Variants in COL19A1 observed in about 807,000 individuals in gnomAD.
COL19A1 encodes collagen type XIX alpha 1 chain, also known as collagen alpha-1(XIX) chain.
COL19A1 carries 159 observed loss-of-function variants against 190.2 expected under a neutral mutation model. That is an observed-to-expected ratio of 0.84 (90% confidence interval 0.73 to 0.95). The LOEUF (loss-of-function observed/expected upper bound fraction) is 0.95. Ranked by LOEUF, COL19A1 falls within the 40% of genes least tolerant of loss-of-function variation. COL19A1 has a pLI of 0.00. For missense variants in COL19A1, 1,418 were observed against 1,431.9 expected, an observed-to-expected ratio of 0.99 and a Z score of 0.16; for synonymous variants, 509 against 458.9, an observed-to-expected ratio of 1.11 and a Z score of -1.39.
intron 10 of COL19A1, among the ~76,000 whole-genome samples, chr6:69,961,287 G>C (rs1295234771): frequency 1.3e-5 from 2 of 152,090 alleles, no homozygotes; most frequent in Admixed American, 1.3e-4. Context: ...TTATTTACTT[G>C]GCCCAATAAA....
At chr6:70,076,062 C>T (rs1439484495) in intron 15 of COL19A1, among the ~76,000 whole-genome samples, 3 of 152,152 alleles carry the variant, frequency 2.0e-5, no homozygotes, top group Admixed American at 6.5e-5. Flanking sequence ...CTAATGGGGA[C>T]TCCTTCAAAC....
chr6:70,124,581 A>C (rs1785082314), intron 17 of COL19A1, among the ~76,000 whole-genome samples: 2 of 151,822 alleles, frequency 1.3e-5, no homozygotes, highest in Non-Finnish European at 2.9e-5. Flanking sequence ...ATGGGCACTG[A>C]CCAGAGCAGC....
At chr6:69,940,354 C>A (rs931810074) in intron 9 of COL19A1, among the ~76,000 whole-genome samples, 2 of 152,102 alleles carry the variant, frequency 1.3e-5, no homozygotes, top group East Asian at 1.9e-4. Flanking sequence ...GACTTTGGAG[C>A]CTTAGCAGTA....
rs1187126045 is a variant in COL19A1, at chr6:70,024,612, TGTGGGTGTGTGG to T, written c.1080+936_1080+947del. Among the ~76,000 whole-genome samples the T allele has an allele frequency of 6.3e-3, 831 of 131,844 alleles. 5 individuals are homozygous for T. Among genetic ancestry groups the T allele is most frequent in the Non-Finnish European group, 0.01 (609 of 59,234 alleles). The allele number at this position is 131,844 out of a possible 152,430, so 86.5% of individuals were successfully genotyped here. A position where few individuals can be genotyped will look rare whatever the true frequency, so the allele number is the denominator to read the frequency against. On this transcript the variant is annotated intron_variant, in intron 12 of 50. Transcript: ENST00000620364. ...GTGTGTGTGTGTGTGTGTGTGTGTG[TGTGGGTGTGTGG>T]GTGTGTGTGTGTGGAGTCTCCCAAA...
intron 31 of COL19A1, among the ~76,000 whole-genome samples, 178 bp from the exon 32 acceptor site, chr6:70,155,949 T>C (rs186615418): frequency 1.6e-3 from 238 of 152,230 alleles, no homozygotes; most frequent in African/African-American, 5.5e-3. Flanking sequence ...TTGTAAACAG[T>C]TTTTGCCTCA....
At chr6:70,124,513 TA>T (rs1322875657) in intron 17 of COL19A1, among the ~76,000 whole-genome samples, 3 of 149,668 alleles carry the variant, frequency 2.0e-5, no homozygotes, top group Non-Finnish European at 4.4e-5. Flanking sequence ...TTTTAGAGTC[TA>T]AAGTTGAGAA....
chr6:70,182,697 C>T (rs1172313760), intron 44 of COL19A1, among the ~76,000 whole-genome samples: 2 of 152,138 alleles, frequency 1.3e-5, no homozygotes, highest in African/African-American at 4.8e-5. Context: ...GATCAACATA[C>T]AGGTAAGTAA....
chr6:70,169,653 C>T (rs542620380), intron 40 of COL19A1, among the ~76,000 whole-genome samples: 8 of 152,140 alleles, frequency 5.3e-5, no homozygotes, highest in Non-Finnish European at 1.0e-4. Context: ...AGCATTGTTT[C>T]AACTAGTTAG....
chr6:70,051,248 C>T (rs1231204485), intron 14 of COL19A1, among the ~76,000 whole-genome samples: 1 of 151,838 alleles, frequency 6.6e-6, no homozygotes, highest in African/African-American at 2.4e-5. Flanking sequence ...GACACATGCC[C>T]AATATAGAGA....
At chr6:69,914,981 G>T (rs866784629) in intron 4 of COL19A1, among the ~76,000 whole-genome samples, 63 of 152,054 alleles carry the variant, frequency 4.1e-4, no homozygotes, top group African/African-American at 1.5e-3. Context: ...TTAAGCAAAA[G>T]ATCAAACAGG....
chr6:69,903,825 G>T (rs1398591630), intron 4 of COL19A1, among the ~76,000 whole-genome samples: 1 of 152,172 alleles, frequency 6.6e-6, no homozygotes, highest in Non-Finnish European at 1.5e-5. Context: ...AGCCTGCTTG[G>T]CTACCAGGAA....
chr6:69,981,904 G>A (rs1025978182), intron 11 of COL19A1, among the ~76,000 whole-genome samples: 3 of 152,030 alleles, frequency 2.0e-5, no homozygotes, highest in African/African-American at 7.2e-5. Context: ...TATATTTTAG[G>A]TAATTTTTTA....
At chr6:70,191,164 T>G (rs778476600) in intron 48 of COL19A1, among the ~76,000 whole-genome samples, 23 of 152,330 alleles carry the variant, frequency 1.5e-4, no homozygotes, top group Non-Finnish European at 5.9e-5. Flanking sequence ...ACTTCAATAA[T>G]TCATCCTAAG....
rs756125918 is a variant in COL19A1 at position 70,207,797 on chromosome 6, T to C, written c.*523T>C. 1.3e-5 allele frequency: 2 copies of C among 152,174 alleles called. No individual in the cohort carries two copies. Among genetic ancestry groups the C allele is most frequent in the South Asian group, 2.1e-4 (1 of 4,830 alleles). The allele number at this position is 152,174 out of a possible 1,614,324, so 9.4% of individuals were successfully genotyped here. A position where few individuals can be genotyped will look rare whatever the true frequency, so the allele number is the denominator to read the frequency against. Reference sequence around the variant, plus strand: ...TTATAACTTAAGAATTTTTATACCATCTACATCTATCCTACTTATGCAGAA... The same window carrying C: ...TTATAACTTAAGAATTTTTATACCACCTACATCTATCCTACTTATGCAGAA... On this transcript the variant is annotated 3_prime_UTR_variant, in exon 51 of 51. Transcript: ENST00000620364.
At chr6:70,081,287 T>C (rs1277219404) in intron 15 of COL19A1, among the ~76,000 whole-genome samples, 1 of 152,182 alleles carries the variant, frequency 6.6e-6, no homozygotes, top group Non-Finnish European at 1.5e-5. Flanking sequence ...TTCTATCTTA[T>C]TTTCCATTTA....
chr6:70,184,580 C>G (rs1366880652), intron 44 of COL19A1, 123 bp from the exon 45 acceptor site: 3 of 771,276 alleles, frequency 3.9e-6, no homozygotes, highest in Admixed American at 2.5e-5. Flanking sequence ...CATTTTACCA[C>G]CTTTCTTTAC....
At chr6:70,134,173 T>G (rs1214852953) in intron 18 of COL19A1, among the ~76,000 whole-genome samples, 1 of 152,226 alleles carries the variant, frequency 6.6e-6, no homozygotes, top group East Asian at 1.9e-4. Context: ...GGTCACTCTG[T>G]ACACCCTAAT....
At chr6:70,172,931 G>A (rs1176348989) in intron 41 of COL19A1, among the ~76,000 whole-genome samples, 1 of 152,180 alleles carries the variant, frequency 6.6e-6, no homozygotes, top group Admixed American at 6.5e-5. Context: ...GCTCAGATCA[G>A]AGCAGAAACA....
At chr6:70,087,956 G>T (rs531503129) in intron 15 of COL19A1, among the ~76,000 whole-genome samples, 2 of 152,274 alleles carry the variant, frequency 1.3e-5, no homozygotes, top group Admixed American at 6.5e-5. Flanking sequence ...AGGATTTGGG[G>T]TATATTTTTC....
Sources: allele counts gnomAD v4.1 joint callset (sites outside exome capture counted in the v4.1 genomes callset), GRCh38; gene constraint gnomAD v4.1.1; transcripts MANE v1.5; gene names NCBI Gene and HGNC (gene_info 2026-07-23, HGNC 2026-07-21).